The following CASP9 variants were observed in gnomAD, a reference collection of about 807,000 sequenced individuals.
CASP9 encodes the protein caspase-9.
In CASP9, 29 loss-of-function variants were observed where a neutral mutation model predicts 43.5. That is an observed-to-expected ratio of 0.67 (90% CI 0.50 to 0.91). CASP9 has a LOEUF of 0.91. Ranked by LOEUF, CASP9 falls within the 40% of genes least tolerant of loss-of-function variation. The pLI is 0.00. For synonymous variants in CASP9, 206 were observed against 211.9 expected, an observed-to-expected ratio of 0.97 and a Z score of 0.24; for missense variants, 575 against 537.4, an observed-to-expected ratio of 1.07 and a Z score of -0.69.
chr1:15,518,405 A>G lies in CASP9; in HGVS notation c.133-10T>C. ...ATCCAGAGCCTGCCCGCTGTTTGGAAAGAAAGGCAGGATACTAATTATCCA... is the reference window on the plus strand; with the variant it reads ...ATCCAGAGCCTGCCCGCTGTTTGGAGAGAAAGGCAGGATACTAATTATCCA... On this transcript the variant is annotated splice_polypyrimidine_tract_variant and intron_variant, in intron 1 of 8. Coordinates refer to ENST00000333868, the MANE Select transcript of CASP9 (RefSeq NM_001229.5). The G allele has an allele frequency of 2.5e-6, 4 of 1,606,690 alleles. No individual in the cohort carries two copies. The highest frequency in any genetic ancestry group is 3.4e-6 in the Non-Finnish European group (4 of 1,175,534).
chr1:15,493,903 G>T lies in CASP9; in HGVS notation c.1147C>A (p.Leu383Ile). 1 of 1,596,562 alleles carries T rather than the reference G, an allele frequency of 6.3e-7. No homozygotes were observed. Among genetic ancestry groups the T allele is most frequent in the East Asian group, 2.3e-5 (1 of 44,138 alleles). ...AAGGCAGCACTCACCCTAAGCAGGA[G>T]GGACTGCAGGTCTTCAGAGTGAGCC... ...QWAHSEDLQS[L>I]LLRVANAVSV... is the part of the protein sequence containing the mutation. Residue 383 changes from leucine (L) to isoleucine (I), a missense_variant, in exon 8 of 9, where the codon CTC becomes ATC. Transcript: ENST00000333868.
rs538559084 is a variant in CASP9 at position 15,494,819 on chromosome 1, C to T, written c.1048+454G>A. On this transcript the variant is annotated intron_variant, in intron 7 of 8. Transcript: ENST00000333868. Reference sequence around the variant, plus strand: ...CAGAGCTTGCAGTGACCCAAGATCGCGCCACTGCACTCCAGCCTGGGCAAC... The same window carrying T: ...CAGAGCTTGCAGTGACCCAAGATCGTGCCACTGCACTCCAGCCTGGGCAAC... Among the ~76,000 whole-genome samples the T allele has an allele frequency of 7.0e-5, 10 of 142,762 alleles. No homozygotes were observed. In the East Asian group the frequency reaches 1.3e-3, roughly 18 times the overall value. 93.7% of individuals were successfully genotyped at this position (142,762 alleles called of 152,430 possible).
chr1:15,523,602 G>A (rs10803388), intron 1 of CASP9, among the ~76,000 whole-genome samples: 47,014 of 151,878 alleles, frequency 0.31, 7,666 homozygotes, highest in East Asian at 0.58. Flanking sequence ...GGTCATATCT[G>A]ATAAATGCTT....
chr1:15,518,991 C>T (rs1710072083), intron 1 of CASP9, among the ~76,000 whole-genome samples: 1 of 152,206 alleles, frequency 6.6e-6, no homozygotes, highest in African/African-American at 2.4e-5. Flanking sequence ...TATCCTGCCT[C>T]AGCCTCCGGA....
At chr1:15,503,666 T>C (rs1384379854) in intron 6 of CASP9, among the ~76,000 whole-genome samples, 2 of 152,176 alleles carry the variant, frequency 1.3e-5, no homozygotes, top group Non-Finnish European at 2.9e-5. Context: ...GATGGGGCAG[T>C]TGGATGTGCA....
intron 1 of CASP9, among the ~76,000 whole-genome samples, chr1:15,521,509 A>C (rs1710199755): frequency 6.6e-6 from 1 of 152,182 alleles, no homozygotes. Flanking sequence ...GAAATAGTGA[A>C]AGTCTTAAAG....
intron 6 of CASP9, 30 bp downstream of exon 6, chr1:15,504,581 C>T (rs1329393472): frequency 1.9e-6 from 3 of 1,595,690 alleles, no homozygotes; most frequent in Admixed American, 3.4e-5. Context: ...CCACCAGACC[C>T]ACCCAGAGGG....
intron 6 of CASP9, among the ~76,000 whole-genome samples, chr1:15,496,522 T>C (rs866765030): frequency 3.9e-5 from 6 of 152,044 alleles, no homozygotes; most frequent in Non-Finnish European, 7.4e-5. Context: ...ACCCTAAAGA[T>C]GAAACACTAT....
At position 15,491,631 on chromosome 1, in the gene CASP9, A is replaced by C. The variant is rs1047169499; in HGVS notation, c.*1312T>G. 8 of 298,156 alleles carry C rather than the reference A, an allele frequency of 2.7e-5. No individual in the cohort carries two copies. The Admixed American group carries it at 3.4e-4, about 13-fold the overall frequency. 18.5% of individuals were successfully genotyped at this position (298,156 alleles called of 1,614,324 possible). Reference sequence around the variant, plus strand: ...AAATTAACTGGGAGAGGTGGTGCACACCTGTAGTCCAAGCTACTCAGGTGG... The same window carrying C: ...AAATTAACTGGGAGAGGTGGTGCACCCCTGTAGTCCAAGCTACTCAGGTGG... On this transcript the variant is annotated 3_prime_UTR_variant, in exon 9 of 9. Coordinates refer to ENST00000333868, the MANE Select transcript of CASP9 (RefSeq NM_001229.5).
rs963751449 is a variant in CASP9, at chr1:15,507,201, T to A, written c.454-126A>T. The A allele has an allele frequency of 5.7e-6, 6 of 1,052,850 alleles. No homozygotes were observed. The South Asian group carries it at 5.9e-5, about 10-fold the overall frequency. The allele number at this position is 1,052,850 out of a possible 1,614,324, so 65.2% of individuals were successfully genotyped here. The stretch of plus-strand genomic sequence containing the variant: ...GGAGTAGCAGGGTCTCCACCCGGCA[T>A]TCCAGGGCAAAAGAGAAGCAACTGC... On this transcript the variant is annotated intron_variant, in intron 3 of 8. Transcript: ENST00000333868.
chr1:15,507,184 AG>A lies in CASP9; in HGVS notation c.454-110del, dbSNP rs2103352012. 3 of 1,303,216 alleles carry A rather than the reference AG, an allele frequency of 2.3e-6. No individual in the cohort carries two copies. The East Asian group carries it at 7.2e-5, about 31-fold the overall frequency. 80.7% of individuals were successfully genotyped at this position (1,303,216 alleles called of 1,614,324 possible). A position where few individuals can be genotyped will look rare whatever the true frequency, so the allele number is the denominator to read the frequency against. On this transcript the variant is annotated intron_variant, in intron 3 of 8. Transcript: ENST00000333868. Reference sequence around the variant, plus strand: ...TCTGCCCTCTCGCACAAGGAGTAGCAGGGTCTCCACCCGGCATTCCAGGGCA... The same window carrying A: ...TCTGCCCTCTCGCACAAGGAGTAGCAGGTCTCCACCCGGCATTCCAGGGCA...
chr1:15,493,358 G>A, intron 8 of CASP9: 2 of 1,242,438 alleles, frequency 1.6e-6, no homozygotes, highest in Non-Finnish European at 2.0e-6. Context: ...TGCCTCCCAA[G>A]GCAGCCACAA....
At chr1:15,502,086 CAT>C (rs1359280919) in intron 6 of CASP9, among the ~76,000 whole-genome samples, 7 of 152,322 alleles carry the variant, frequency 4.6e-5, no homozygotes, top group East Asian at 1.9e-4. Flanking sequence ...TTAGAATCCA[CAT>C]GAGACGCAAC....
intron 6 of CASP9, among the ~76,000 whole-genome samples, chr1:15,503,153 G>A (rs6659615): frequency 0.01 from 1,549 of 152,240 alleles, 23 homozygotes; most frequent in African/African-American, 0.034. Flanking sequence ...TTGGGAGGCC[G>A]AAGTGAGCAG....
chr1:15,517,501 G>A (rs1393646439), intron 2 of CASP9, among the ~76,000 whole-genome samples: 1 of 152,140 alleles, frequency 6.6e-6, no homozygotes, highest in Non-Finnish European at 1.5e-5. Flanking sequence ...ATGGGTGTTA[G>A]TTACCTGTGG....
intron 2 of CASP9, among the ~76,000 whole-genome samples, chr1:15,511,890 C>G (rs1022858039): frequency 6.6e-6 from 1 of 152,174 alleles, no homozygotes; most frequent in Non-Finnish European, 1.5e-5. Flanking sequence ...CTAGGACTGG[C>G]CCTCCCCAGC....
intron 7 of CASP9, among the ~76,000 whole-genome samples, 188 bp from the exon 8 acceptor site, chr1:15,494,189 CCT>C (rs1163904928): frequency 1.6e-4 from 25 of 152,120 alleles, no homozygotes; most frequent in African/African-American, 4.3e-4. Context: ...ATGACCATCC[CCT>C]GATTCCGGCT....
intron 2 of CASP9, among the ~76,000 whole-genome samples, chr1:15,515,994 G>A (rs543450785): frequency 2.6e-5 from 4 of 152,254 alleles, no homozygotes; most frequent in African/African-American, 9.6e-5. Flanking sequence ...TTGAGGCCAG[G>A]AGTTCAAGAT....
intron 3 of CASP9, 91 bp from the exon 4 acceptor site, chr1:15,507,166 T>C: frequency 6.7e-7 from 1 of 1,499,178 alleles, no homozygotes. Flanking sequence ...GGGTCTGCCC[T>C]CTCGCACAAG....
Sources: allele counts gnomAD v4.1 joint callset (sites outside exome capture counted in the v4.1 genomes callset), GRCh38; gene constraint gnomAD v4.1.1; transcripts MANE v1.5; gene names NCBI Gene and HGNC (gene_info 2026-07-23, HGNC 2026-07-21).